ACYP2: variants seen among roughly 807,000 people sequenced by gnomAD.
The protein encoded by ACYP2 is acylphosphatase 2.
ACYP2 carries 12 observed loss-of-function variants against 11.2 expected under a neutral mutation model. The ratio of observed to expected loss-of-function variants is 1.08; its 90% CI spans 0.69 to 1.74. The LOEUF (loss-of-function observed/expected upper bound fraction) is 1.74, where lower values mean the gene tolerates loss of function less well. Among genes scored for constraint, ACYP2 ranks in the 40% most tolerant of loss-of-function variants. The pLI is 0.00. For missense variants in ACYP2, 134 were observed against 101.9 expected, an observed-to-expected ratio of 1.31 and a Z score of -1.35; for synonymous variants, 43 against 32.2, an observed-to-expected ratio of 1.33 and a Z score of -1.13.
chr2:54,268,637 A>G (rs1688140461), intron 6 of ACYP2, among the ~76,000 whole-genome samples: 1 of 134,150 alleles, frequency 7.5e-6, no homozygotes, highest in Non-Finnish European at 1.6e-5. Context: ...CCCAGTCTCT[A>G]CCAAAAAAAA....
intron 4 of ACYP2, among the ~76,000 whole-genome samples, chr2:54,064,948 G>A (rs1345587832): frequency 6.6e-6 from 1 of 152,162 alleles, no homozygotes; most frequent in African/African-American, 2.4e-5. Context: ...GCCAGGTGTG[G>A]TGGCACAGGC....
At chr2:54,038,979 G>A (rs137938558) in intron 2 of ACYP2, among the ~76,000 whole-genome samples, 25 of 151,868 alleles carry the variant, frequency 1.6e-4, no homozygotes, top group Admixed American at 3.9e-4. Context: ...GGAGTTGAGT[G>A]AGTGAATGAG....
At chr2:54,073,948 T>C (rs1677194955) in intron 4 of ACYP2, among the ~76,000 whole-genome samples, 1 of 152,228 alleles carries the variant, frequency 6.6e-6, no homozygotes, top group African/African-American at 2.4e-5. Context: ...TGAAAAATAG[T>C]GCAAATTCTT....
At position 54,124,280 on chromosome 2, in the gene ACYP2, C is replaced by T. The variant is rs539683690; in HGVS notation, c.278-11173C>T. ...CGCGATGTGGGCTCACCGCAACCTC[C>T]GCCTACCAGGTTCAAGTGATTATCC... On this transcript the variant is annotated intron_variant, in intron 4 of 6. Coordinates refer to ENST00000607452, the MANE Select transcript of ACYP2 (RefSeq NM_001320586.2). Among the ~76,000 whole-genome samples, 7 of 152,226 alleles carry T rather than the reference C, an allele frequency of 4.6e-5. No homozygotes were observed. The South Asian group carries it at 6.2e-4, about 14-fold the overall frequency.
intron 6 of ACYP2, among the ~76,000 whole-genome samples, chr2:54,245,010 T>C (rs1009442827): frequency 6.6e-6 from 1 of 152,200 alleles, no homozygotes; most frequent in Admixed American, 6.5e-5. Context: ...TTGTGTCCTT[T>C]AACGTATCTC....
At chr2:54,196,415 G>T (rs1409757758) in intron 6 of ACYP2, among the ~76,000 whole-genome samples, 1 of 152,096 alleles carries the variant, frequency 6.6e-6, no homozygotes, top group Non-Finnish European at 1.5e-5. Context: ...TCCCAAATGA[G>T]CCATGGATGT....
At chr2:54,129,036 C>G (rs1172510645) in intron 4 of ACYP2, among the ~76,000 whole-genome samples, 1 of 152,134 alleles carries the variant, frequency 6.6e-6, no homozygotes, top group Non-Finnish European at 1.5e-5. Flanking sequence ...TCCACAAATC[C>G]AGCCCTGGTC....
intron 6 of ACYP2, among the ~76,000 whole-genome samples, chr2:54,183,017 C>T (rs1297602299): frequency 2.0e-5 from 3 of 152,294 alleles, no homozygotes; most frequent in Non-Finnish European, 2.9e-5. Flanking sequence ...TTGCCATCAC[C>T]ACCATTTAAC....
chr2:54,120,320 A>C (rs190672754), intron 4 of ACYP2, among the ~76,000 whole-genome samples: 1 of 152,268 alleles, frequency 6.6e-6, no homozygotes, highest in Admixed American at 6.5e-5. Flanking sequence ...AGTGTTTGTA[A>C]CTGTGGCCTG....
intron 1 of ACYP2, among the ~76,000 whole-genome samples, chr2:53,971,810 AG>A (rs137912640): frequency 0.02 from 3,111 of 152,292 alleles, 104 homozygotes; most frequent in African/African-American, 0.071. Flanking sequence ...AAAAGGAGGG[AG>A]GAGGACACGT....
chr2:54,110,579 T>C (rs1438801506), intron 4 of ACYP2, among the ~76,000 whole-genome samples: 4 of 152,178 alleles, frequency 2.6e-5, no homozygotes, highest in African/African-American at 9.7e-5. Context: ...ACCATAGTTA[T>C]AGCTACATTT....
chr2:54,003,951 C>T (rs1234990526), intron 2 of ACYP2, among the ~76,000 whole-genome samples: 2 of 151,824 alleles, frequency 1.3e-5, no homozygotes, highest in Non-Finnish European at 2.9e-5. Context: ...GTAGTGGTAC[C>T]TCTTTGTTTT....
Position 54,238,969 on chromosome 2 carries a change from T to C in ACYP2, c.405-65719T>C, listed in dbSNP as rs2103980829. 1.3e-5 allele frequency among the ~76,000 whole-genome samples: 2 copies of C among 151,586 alleles called. 1 individual carries two copies. The highest frequency in any genetic ancestry group is 4.2e-4 in the South Asian group (2 of 4,750). On this transcript the variant is annotated intron_variant, in intron 6 of 6. Transcript: ENST00000607452. ...TATTGTGTAGATATTTAAGGACTCATATAGACCCATCATTTTTTATGGGCA... is the reference window on the plus strand; with the variant it reads ...TATTGTGTAGATATTTAAGGACTCACATAGACCCATCATTTTTTATGGGCA...
At chr2:54,248,097 C>T (rs1687045120) in intron 6 of ACYP2, among the ~76,000 whole-genome samples, 1 of 152,178 alleles carries the variant, frequency 6.6e-6, no homozygotes, top group African/African-American at 2.4e-5. Flanking sequence ...TGCAGTTTGA[C>T]TCAGTGTGGG....
In ACYP2 at chr2:54,189,326, TC is replaced by T. The variant is rs1040064910; in HGVS notation, c.404+50583del. ...CTCTGATCTACATTTCCCTGTTTCC[TC>T]CCCCTCACCCTCCACCTAACCACTG... On this transcript the variant is annotated intron_variant, in intron 6 of 6. Transcript: ENST00000607452. Among the ~76,000 whole-genome samples, 42 of 152,280 alleles carry T rather than the reference TC, an allele frequency of 2.8e-4. No homozygotes were observed. In the Middle Eastern group the frequency reaches 0.021, roughly 75 times the overall value.
At chr2:54,049,218 G>A (rs917809154) in intron 2 of ACYP2, among the ~76,000 whole-genome samples, 7 of 152,008 alleles carry the variant, frequency 4.6e-5, no homozygotes, top group Non-Finnish European at 8.8e-5. Flanking sequence ...CCAAGATCGC[G>A]TCACTGCACT....
chr2:54,096,331 C>T (rs1168629127), intron 4 of ACYP2, among the ~76,000 whole-genome samples: 3 of 144,744 alleles, frequency 2.1e-5, no homozygotes, highest in East Asian at 2.2e-4. Context: ...CGGGCAGAGA[C>T]GCTCCTCACT....
chr2:54,098,871 G>T lies in ACYP2; in HGVS notation c.278-36582G>T, dbSNP rs149738018. ...GCCTTCTGAGTAGCTGGAACTACAG[G>T]CATGCACCAATACACTAGGTTAATT... On this transcript the variant is annotated intron_variant, in intron 4 of 6. Coordinates refer to ENST00000607452, the MANE Select transcript of ACYP2 (RefSeq NM_001320586.2). 1.5e-4 allele frequency among the ~76,000 whole-genome samples: 23 copies of T among 152,190 alleles called. No individual in the cohort carries two copies. The East Asian group carries it at 3.5e-3, about 23-fold the overall frequency.
intron 6 of ACYP2, among the ~76,000 whole-genome samples, chr2:54,140,348 A>G (rs547198070): frequency 1.4e-4 from 21 of 152,194 alleles, no homozygotes; most frequent in Non-Finnish European, 2.9e-4. Context: ...CAATCATGTC[A>G]TATTCCTAAT....
Sources: allele counts gnomAD v4.1 joint callset (sites outside exome capture counted in the v4.1 genomes callset), GRCh38; gene constraint gnomAD v4.1.1; transcripts MANE v1.5; gene names NCBI Gene and HGNC (gene_info 2026-07-23, HGNC 2026-07-21).